Variants in TMEM192 observed in about 807,000 individuals in gnomAD.
TMEM192 encodes the protein transmembrane protein 192.
In TMEM192, 20 loss-of-function variants were observed where a neutral mutation model predicts 26.7. That is an observed-to-expected ratio of 0.75 (90% CI 0.53 to 1.09). The LOEUF is 1.09. TMEM192 is among the 50% of genes least tolerant of loss of function. The pLI is 0.00. For missense variants in TMEM192, 304 were observed against 322.6 expected, an observed-to-expected ratio of 0.94 and a Z score of 0.44; for synonymous variants, 124 against 121.0, an observed-to-expected ratio of 1.02 and a Z score of -0.16.
rs765550331 is a variant in TMEM192, at chr4:165,079,726, C to T, written c.748G>A (p.Ala250Thr). 4 of 1,613,954 alleles carry T rather than the reference C, an allele frequency of 2.5e-6. No homozygotes were observed. In the South Asian group the frequency reaches 3.3e-5, roughly 13 times the overall value. The change falls in exon 6 of 6, where the codon GCG becomes ACG. Residue 250 changes from alanine (A) to threonine (T), a missense_variant. Physicochemically the swap from Ala to Thr is moderately conservative, Grantham distance 58 (BLOSUM62 0). Transcript: ENST00000306480. Reference protein sequence around the residue: ...DTIEYLKRHNALLSKRLLALT... With the variant: ...DTIEYLKRHNTLLSKRLLALT... ...GCCAACAATCGCTTACTCAGCAGCGCATTGTGTCGCTTCAGGTATTCAATG... is the reference window on the plus strand; with the variant it reads ...GCCAACAATCGCTTACTCAGCAGCGTATTGTGTCGCTTCAGGTATTCAATG...
At chr4:165,097,600 C>G (rs1460932806) in intron 3 of TMEM192, among the ~76,000 whole-genome samples, 8 of 111,126 alleles carry the variant, frequency 7.2e-5, no homozygotes, top group African/African-American at 1.5e-4. Context: ...AAAAAAATCT[C>G]TAATTTGATC....
chr4:165,087,439 G>A lies in TMEM192; in HGVS notation c.574+1029C>T, dbSNP rs115655028. Among the ~76,000 whole-genome samples the A allele has an allele frequency of 5.5e-3, 836 of 152,252 alleles. 11 individuals are homozygous for A. Among genetic ancestry groups the A allele is most frequent in the African/African-American group, 0.017 (712 of 41,544 alleles). On this transcript the variant is annotated intron_variant, in intron 4 of 5. Coordinates refer to ENST00000306480, the MANE Select transcript of TMEM192 (RefSeq NM_001100389.2). ...ATCACCAATCCTATCCAGTTCTTGG[G>A]GAGTGAGGTAGAAGGAAGAAGGTAG...
rs1734436009 is a variant in TMEM192, at chr4:165,078,348, A to G, written c.*1310T>C. 1 of 152,204 alleles carries G rather than the reference A, an allele frequency of 6.6e-6. No homozygotes were observed. Among genetic ancestry groups the G allele is most frequent in the Admixed American group, 6.6e-5 (1 of 15,264 alleles). The allele number at this position is 152,204 out of a possible 1,614,324, so 9.4% of individuals were successfully genotyped here. A position where few individuals can be genotyped will look rare whatever the true frequency, so the allele number is the denominator to read the frequency against. On this transcript the variant is annotated 3_prime_UTR_variant, in exon 6 of 6. Transcript: ENST00000306480. ...TAAGGCAGCATATAACAGTGCTAACAGCAAACTGACAAATTAAAGGGGCAT... is the reference window on the plus strand; with the variant it reads ...TAAGGCAGCATATAACAGTGCTAACGGCAAACTGACAAATTAAAGGGGCAT...
chr4:165,101,002 A>C, intron 2 of TMEM192, 110 bp from the exon 3 acceptor site: 1 of 1,152,818 alleles, frequency 8.7e-7, no homozygotes, highest in South Asian at 1.7e-5. Flanking sequence ...TCTGAGACAG[A>C]GTCTCACTCT....
chr4:165,085,273 CAAAA>C (rs398051329), intron 5 of TMEM192, among the ~76,000 whole-genome samples: 5 of 83,688 alleles, frequency 6.0e-5, no homozygotes, highest in African/African-American at 1.8e-4. Flanking sequence ...AACTCCATCT[CAAAA>C]AAAAAAAAAA....
At chr4:165,100,505 A>G (rs1735013348) in intron 3 of TMEM192, 123 bp downstream of exon 3, 14 of 1,192,212 alleles carry the variant, frequency 1.2e-5, no homozygotes, top group Non-Finnish European at 1.5e-5. Flanking sequence ...AGTGGTCAGA[A>G]CACACATCAA....
intron 1 of TMEM192, among the ~76,000 whole-genome samples, chr4:165,109,959 T>C (rs1360184068): frequency 1.3e-5 from 2 of 152,248 alleles, no homozygotes; most frequent in African/African-American, 2.4e-5. Context: ...TATGCTGCCT[T>C]GTATTGTTTT....
intron 3 of TMEM192, among the ~76,000 whole-genome samples, chr4:165,098,824 A>G: frequency 6.6e-6 from 1 of 151,570 alleles, no homozygotes; most frequent in Non-Finnish European, 1.5e-5. Flanking sequence ...CAGCCTCCCA[A>G]GTAGCTGGGA....
At chr4:165,095,470 G>C (rs1734872136) in intron 3 of TMEM192, among the ~76,000 whole-genome samples, 1 of 152,072 alleles carries the variant, frequency 6.6e-6, no homozygotes, top group Non-Finnish European at 1.5e-5. Context: ...ACAGTCTCTG[G>C]CCCTCCCAAA....
At chr4:165,109,888 T>C (rs1405589058) in intron 1 of TMEM192, among the ~76,000 whole-genome samples, 1 of 152,246 alleles carries the variant, frequency 6.6e-6, no homozygotes, top group Non-Finnish European at 1.5e-5. Context: ...GTTAAGTGTT[T>C]TCCTTCTGCT....
chr4:165,105,902 C>T (rs890736682), intron 1 of TMEM192, among the ~76,000 whole-genome samples: 2 of 152,168 alleles, frequency 1.3e-5, no homozygotes, highest in African/African-American at 4.8e-5. Context: ...TGAGGGTTCC[C>T]CCCCTCATAA....
chr4:165,090,338 A>G lies in TMEM192; in HGVS notation c.440-1736T>C, dbSNP rs1468111721. Among the ~76,000 whole-genome samples the G allele has an allele frequency of 2.9e-4, 44 of 150,156 alleles. No homozygotes were observed. The Admixed American group carries it at 2.9e-3, about 10-fold the overall frequency. On this transcript the variant is annotated intron_variant, in intron 3 of 5. Coordinates refer to ENST00000306480, the MANE Select transcript of TMEM192 (RefSeq NM_001100389.2). Reference sequence around the variant, plus strand: ...GCAGAGTTTGCAGTGAGCCGAGATCACACCACTGCACTCCAGCCTGGTGAC... The same window carrying G: ...GCAGAGTTTGCAGTGAGCCGAGATCGCACCACTGCACTCCAGCCTGGTGAC...
At chr4:165,101,467 A>G (rs1372126748) in intron 2 of TMEM192, among the ~76,000 whole-genome samples, 1 of 151,928 alleles carries the variant, frequency 6.6e-6, no homozygotes, top group Non-Finnish European at 1.5e-5. Flanking sequence ...CCTGGGCTCA[A>G]GCGATCCTCC....
chr4:165,112,227 G>C (rs566557800), intron 1 of TMEM192, among the ~76,000 whole-genome samples: 1 of 152,166 alleles, frequency 6.6e-6, no homozygotes, highest in Non-Finnish European at 1.5e-5. Context: ...CGACAGGTCT[G>C]CGGGACGCTG....
chr4:165,095,003 T>C (rs1033130870), intron 3 of TMEM192, among the ~76,000 whole-genome samples: 26 of 151,218 alleles, frequency 1.7e-4, no homozygotes, highest in Non-Finnish European at 2.9e-4. Flanking sequence ...CTAAGGTTAA[T>C]GCTTGCTATT....
intron 4 of TMEM192, among the ~76,000 whole-genome samples, chr4:165,087,719 C>A (rs2110751175): frequency 6.6e-6 from 1 of 152,230 alleles, no homozygotes; most frequent in African/African-American, 2.4e-5. Flanking sequence ...GCGGGCGGAT[C>A]ACCTGAGGTC....
At chr4:165,090,910 C>CAAAAAAAAAA (rs70952700) in intron 3 of TMEM192, among the ~76,000 whole-genome samples, 22,463 of 50,538 alleles carry the variant, frequency 0.44, 6,894 homozygotes, top group East Asian at 0.58. Context: ...GACTCTGTCT[C>CAAAAAAAAAA]AAAAAAAAAA....
intron 3 of TMEM192, among the ~76,000 whole-genome samples, chr4:165,089,788 T>A (rs1734711465): frequency 6.6e-6 from 1 of 152,148 alleles, no homozygotes; most frequent in Admixed American, 6.6e-5. Context: ...TCTGAGCCCC[T>A]CCCAATCTTC....
In TMEM192 at chr4:165,078,183, C is replaced by A. The variant is rs1227742712; in HGVS notation, c.*1475G>T. The A allele has an allele frequency of 2.0e-5, 3 of 152,116 alleles. No homozygotes were observed. 9.4% of individuals were successfully genotyped at this position (152,116 alleles called of 1,614,324 possible). ...ATAGATGTGGCCAAATCAATATATC[C>A]CTTGCCTATATAGTTATATCGAACA... On this transcript the variant is annotated 3_prime_UTR_variant, in exon 6 of 6. Coordinates refer to ENST00000306480, the MANE Select transcript of TMEM192 (RefSeq NM_001100389.2).
Sources: gnomAD v4.1 joint callset for allele counts (sites outside exome capture counted in the v4.1 genomes callset) on GRCh38, gnomAD v4.1.1 for gene constraint, MANE v1.5 for transcripts, NCBI Gene and HGNC (gene_info 2026-07-23, HGNC 2026-07-21) for gene names.